Variants in KANK1 observed in about 807,000 individuals in gnomAD.
KANK1 encodes the protein KN motif and ankyrin repeat domains 1.
A neutral mutation model predicts 106.2 loss-of-function variants in KANK1; 109 were observed. The observed-to-expected ratio is 1.03, with a 90% CI of 0.88 to 1.20. The LOEUF (loss-of-function observed/expected upper bound fraction) is 1.20. KANK1 is among the 50% of genes most tolerant of loss of function. KANK1 has a pLI of 0.00. For synonymous variants in KANK1, 873 were observed against 652.2 expected, an observed-to-expected ratio of 1.34 and a Z score of -5.16; for missense variants, 2,399 against 1,710.7, an observed-to-expected ratio of 1.40 and a Z score of -7.10.
intron 3 of KANK1, among the ~76,000 whole-genome samples, chr9:484,935 C>CAAAAAAAAAAAA (rs60286162): frequency 0.012 from 1,759 of 143,922 alleles, 33 homozygotes; most frequent in African/African-American, 0.042. Flanking sequence ...ATGGAGAATG[C>CAAAAAAAAAAAA]AAAAAAAAAA....
Position 713,339 on chromosome 9 carries a change from A to T in KANK1, c.2573A>T (p.Gln858Leu), listed in dbSNP as rs777491207. The change falls in exon 3 of 12, where the codon CAG becomes CTG. Residue 858 changes from glutamine (Q) to leucine (L), a missense_variant. Coordinates refer to ENST00000382297, the MANE Select transcript of KANK1 (RefSeq NM_015158.5). The stretch of plus-strand genomic sequence containing the variant: ...GAAGCTTTCGGGGAACCTCACTCAC[A>T]GATGGGCTCCCTCAACTCTCAGCTC... ...LAEAFGEPHSQMGSLNSQLIS... is the reference protein window; with the variant it reads ...LAEAFGEPHSLMGSLNSQLIS... 2 of 1,614,050 alleles carry T rather than the reference A, an allele frequency of 1.2e-6. No individual in the cohort carries two copies. Among genetic ancestry groups the T allele is most frequent in the Non-Finnish European group, 1.7e-6 (2 of 1,180,036 alleles).
At chr9:569,955 C>G (rs1215501157) in intron 1 of KANK1, among the ~76,000 whole-genome samples, 1 of 152,068 alleles carries the variant, frequency 6.6e-6, no homozygotes, top group Admixed American at 6.5e-5. Flanking sequence ...TGTTTTCATT[C>G]ATTATACACC....
intron 2 of KANK1, among the ~76,000 whole-genome samples, chr9:695,534 A>T (rs750384120): frequency 6.6e-6 from 1 of 151,850 alleles, no homozygotes; most frequent in Non-Finnish European, 1.5e-5. Context: ...GAAGAAACCA[A>T]TGTAGAACTC....
At chr9:635,466 C>T (rs967664231) in intron 1 of KANK1, among the ~76,000 whole-genome samples, 1 of 152,116 alleles carries the variant, frequency 6.6e-6, no homozygotes, top group Admixed American at 6.5e-5. Context: ...TTGTGCAAAC[C>T]TTTTCCCCAA....
chr9:710,675 A>G (rs966135173), intron 2 of KANK1, 129 bp from the exon 3 acceptor site: 1 of 643,870 alleles, frequency 1.6e-6, no homozygotes, highest in Non-Finnish European at 2.4e-6. Flanking sequence ...TTGTAGATCC[A>G]GGTTCAAAAC....
chr9:638,447 C>G (rs1464213734), intron 1 of KANK1, among the ~76,000 whole-genome samples: 5 of 152,160 alleles, frequency 3.3e-5, no homozygotes, highest in Non-Finnish European at 7.3e-5. Flanking sequence ...TTGTTACCCT[C>G]TGCTATGTCA....
intron 1 of KANK1, among the ~76,000 whole-genome samples, chr9:639,164 G>A (rs1196893075): frequency 6.6e-6 from 1 of 152,074 alleles, no homozygotes; most frequent in Non-Finnish European, 1.5e-5. Flanking sequence ...CTTCAAAGCT[G>A]TCATTTTACT....
At chr9:580,755 C>A (rs953073967) in intron 1 of KANK1, among the ~76,000 whole-genome samples, 1 of 152,274 alleles carries the variant, frequency 6.6e-6, no homozygotes, top group African/African-American at 2.4e-5. Flanking sequence ...CCTGCCAGTC[C>A]CGCGCTGTGC....
intron 1 of KANK1, among the ~76,000 whole-genome samples, chr9:592,341 G>T (rs193160847): frequency 6.6e-6 from 1 of 151,770 alleles, no homozygotes; most frequent in African/African-American, 2.4e-5. Flanking sequence ...GCGGGAAGCC[G>T]GGGGAGGGGG....
intron 1 of KANK1, among the ~76,000 whole-genome samples, chr9:629,341 C>G (rs984291510): frequency 1.3e-5 from 2 of 152,068 alleles, no homozygotes; most frequent in Non-Finnish European, 2.9e-5. Flanking sequence ...TCACGAGTCA[C>G]TCTCTCTCTT....
At chr9:486,378 C>T (rs2058293297) in intron 3 of KANK1, among the ~76,000 whole-genome samples, 1 of 152,134 alleles carries the variant, frequency 6.6e-6, no homozygotes. Context: ...TCACCATTAC[C>T]TCTTACAAAA....
At chr9:555,528 A>T (rs10113892) in intron 1 of KANK1, among the ~76,000 whole-genome samples, 11,140 of 152,288 alleles carry the variant, frequency 0.073, 1,108 homozygotes, top group East Asian at 0.22. Flanking sequence ...TAGTTTGTAT[A>T]TGATGGGGAT....
chr9:623,788 A>G (rs777517523), intron 1 of KANK1, among the ~76,000 whole-genome samples: 27 of 152,128 alleles, frequency 1.8e-4, no homozygotes, highest in Admixed American at 1.6e-3. Context: ...CTTGTACGCT[A>G]TTAGGGTGAA....
At chr9:614,237 A>G (rs551609201) in intron 1 of KANK1, among the ~76,000 whole-genome samples, 46 of 152,294 alleles carry the variant, frequency 3.0e-4, no homozygotes, top group African/African-American at 8.2e-4. Context: ...TGTTTAGCAG[A>G]TGGGGATAAT....
At chr9:610,347 T>C (rs1830280303) in intron 1 of KANK1, among the ~76,000 whole-genome samples, 2 of 152,024 alleles carry the variant, frequency 1.3e-5, no homozygotes, top group African/African-American at 4.8e-5. Flanking sequence ...TGAACCATGA[T>C]GAGACCTTAA....
Position 662,264 on chromosome 9 carries a change from T to C in KANK1, c.-83-14626T>C, listed in dbSNP as rs569892534. Reference sequence around the variant, plus strand: ...TGACCATACTGCCCAAGGTAATTTATAGGTTCAGTGCCATCCCCATCAAGC... The same window carrying C: ...TGACCATACTGCCCAAGGTAATTTACAGGTTCAGTGCCATCCCCATCAAGC... On this transcript the variant is annotated intron_variant, in intron 1 of 11. Coordinates refer to ENST00000382297, the MANE Select transcript of KANK1 (RefSeq NM_015158.5). 7.7e-4 allele frequency among the ~76,000 whole-genome samples: 117 copies of C among 152,286 alleles called. 1 individual carries two copies. The highest frequency in any genetic ancestry group is 2.7e-3 in the African/African-American group (112 of 41,536).
At position 684,571 on chromosome 9, in the gene KANK1, C is replaced by G. The variant is rs191923906; in HGVS notation, c.37+7562C>G. Reference sequence around the variant, plus strand: ...CTCTGCTCTTCCTCAGCAGACTTCTCGTTGTGAGTATTGGCATTTATTTCT... The same window carrying G: ...CTCTGCTCTTCCTCAGCAGACTTCTGGTTGTGAGTATTGGCATTTATTTCT... On this transcript the variant is annotated intron_variant, in intron 2 of 11. Transcript: ENST00000382297. The G allele has an allele frequency of 2.0e-4, 198 of 985,388 alleles. 1 individual carries two copies. The highest frequency in any genetic ancestry group is 1.3e-3 in the Admixed American group (21 of 16,278). The allele number at this position is 985,388 out of a possible 1,614,324, so 61.0% of individuals were successfully genotyped here.
intron 1 of KANK1, among the ~76,000 whole-genome samples, chr9:638,323 C>T (rs569823769): frequency 6.6e-6 from 1 of 152,284 alleles, no homozygotes. Context: ...ACCAGTAAAG[C>T]CTGCTGAGCT....
At chr9:525,498 G>A (rs914376196) in intron 1 of KANK1, among the ~76,000 whole-genome samples, 1 of 151,324 alleles carries the variant, frequency 6.6e-6, no homozygotes, top group Non-Finnish European at 1.5e-5. Context: ...TCATGCCTCA[G>A]CCTCCTGAGT....
Sources: allele counts gnomAD v4.1 joint callset (sites outside exome capture counted in the v4.1 genomes callset), GRCh38; gene constraint gnomAD v4.1.1; transcripts MANE v1.5; gene names NCBI Gene and HGNC (gene_info 2026-07-23, HGNC 2026-07-21).